Variants in TBC1D19 observed in about 807,000 individuals in gnomAD.
TBC1D19 encodes TBC1 domain family member 19, also known as TBC1 domain family, member 19.
A neutral mutation model predicts 89.0 loss-of-function variants in TBC1D19; 60 were observed. The observed-to-expected ratio is 0.67, with a 90% CI of 0.55 to 0.84. The LOEUF (loss-of-function observed/expected upper bound fraction) is 0.84, where lower values mean the gene tolerates loss of function less well. TBC1D19 is among the 40% of genes least tolerant of loss of function. TBC1D19 has a pLI of 0.00. For synonymous variants in TBC1D19, 189 were observed against 199.7 expected (o/e 0.95, Z 0.45); for missense variants, 500 against 610.8 (o/e 0.82, Z 1.91).
intron 12 of TBC1D19, among the ~76,000 whole-genome samples, chr4:26,685,869 T>TA (rs1225497301): frequency 6.6e-6 from 1 of 151,982 alleles, no homozygotes; most frequent in Admixed American, 6.6e-5. Context: ...GTGAAAAAGC[T>TA]AAAAAAAAGT....
At chr4:26,787,335 C>T in the TBC1D19 span, among the ~76,000 whole-genome samples, 1 of 152,016 alleles carries the variant, frequency 6.6e-6, no homozygotes, top group Non-Finnish European at 1.5e-5. Flanking sequence ...CTCCTGAGCT[C>T]GGGCAATCCA....
chr4:26,748,255 A>T (rs980000799), intron 18 of TBC1D19, among the ~76,000 whole-genome samples, 156 bp from the exon 19 acceptor site: 1 of 152,216 alleles, frequency 6.6e-6, no homozygotes, highest in South Asian at 2.1e-4. Context: ...GTTTCTCACC[A>T]CTGCACTCTT....
intron 13 of TBC1D19, among the ~76,000 whole-genome samples, chr4:26,707,178 T>A (rs1342136058): frequency 6.6e-6 from 1 of 152,060 alleles, no homozygotes; most frequent in Non-Finnish European, 1.5e-5. Context: ...TATATCTCCT[T>A]TCATTTTTTG....
At chr4:26,634,919 C>T (rs1342841093) in intron 4 of TBC1D19, among the ~76,000 whole-genome samples, 7 of 152,050 alleles carry the variant, frequency 4.6e-5, no homozygotes, top group Admixed American at 2.0e-4. Context: ...ATGTTGTTCA[C>T]GTGCCAACTC....
chr4:26,638,839 G>A lies in TBC1D19; in HGVS notation c.433+5G>A. On this transcript the variant is annotated splice_donor_5th_base_variant and intron_variant, in intron 6 of 20. Transcript: ENST00000264866. ...AAATGGGAACTGATGAACCAGGTAT[G>A]TGAACAATTTTTTCTGAATGTAGTA... 2 of 1,603,436 alleles carry A rather than the reference G, an allele frequency of 1.2e-6. No homozygotes were observed. The highest frequency in any genetic ancestry group is 1.7e-6 in the Non-Finnish European group (2 of 1,175,870).
intron 15 of TBC1D19, among the ~76,000 whole-genome samples, chr4:26,721,297 A>G (rs1343571987): frequency 2.0e-5 from 3 of 152,020 alleles, no homozygotes; most frequent in African/African-American, 7.2e-5. Flanking sequence ...TAAAAAACAA[A>G]AAACAAAAAC....
Position 26,653,849 on chromosome 4 carries a change from A to C in TBC1D19, c.481-5748A>C, listed in dbSNP as rs188461251. On this transcript the variant is annotated intron_variant, in intron 7 of 20. Coordinates refer to ENST00000264866, the MANE Select transcript of TBC1D19 (RefSeq NM_018317.4). The stretch of plus-strand genomic sequence containing the variant: ...TCCAATGTGCCAGTCTGTGTCTTTT[A>C]ATTGGGGAATTTAGCCCATTGACAT... Among the ~76,000 whole-genome samples the C allele has an allele frequency of 3.9e-5, 6 of 152,224 alleles. No homozygotes were observed. The East Asian group carries it at 1.2e-3, about 29-fold the overall frequency.
intron 13 of TBC1D19, among the ~76,000 whole-genome samples, chr4:26,700,881 G>A (rs1311264805): frequency 6.6e-6 from 1 of 152,122 alleles, no homozygotes; most frequent in Non-Finnish European, 1.5e-5. Flanking sequence ...CTACAGTAAA[G>A]TCAGAGTGGT....
chr4:26,729,323 C>G (rs1050028260), intron 15 of TBC1D19, among the ~76,000 whole-genome samples: 2 of 152,208 alleles, frequency 1.3e-5, no homozygotes, highest in Non-Finnish European at 2.9e-5. Context: ...TTACTCATCT[C>G]TTCATTCTGC....
At chr4:26,778,476 GAAGGAAAGGAAA>G in the TBC1D19 span, among the ~76,000 whole-genome samples, 6 of 151,784 alleles carry the variant, frequency 4.0e-5, no homozygotes, top group East Asian at 7.8e-4. Flanking sequence ...GGGAAGGGAA[GAAGGAAAGGAAA>G]AAGGAAAGGA....
chr4:26,642,764 G>T (rs967529341), intron 7 of TBC1D19, among the ~76,000 whole-genome samples: 1 of 152,016 alleles, frequency 6.6e-6, no homozygotes, highest in African/African-American at 2.4e-5. Context: ...AGCACAAAAA[G>T]AGCAGGAGTT....
At chr4:26,637,777 A>G (rs1201762909) in intron 5 of TBC1D19, among the ~76,000 whole-genome samples, 2 of 152,224 alleles carry the variant, frequency 1.3e-5, no homozygotes, top group African/African-American at 2.4e-5. Flanking sequence ...GTGTGCTATA[A>G]TAATTATTAT....
chr4:26,800,421 T>A, the TBC1D19 span, among the ~76,000 whole-genome samples: 2 of 152,248 alleles, frequency 1.3e-5, no homozygotes, highest in Non-Finnish European at 2.9e-5. Context: ...GACATTTGGG[T>A]TGGCTCCAAG....
chr4:26,777,154 T>TA, the TBC1D19 span, among the ~76,000 whole-genome samples: 39 of 109,944 alleles, frequency 3.5e-4, no homozygotes, highest in African/African-American at 1.1e-3. Context: ...TTTTTTTTTT[T>TA]ACGGAGTTTC....
At chr4:26,602,435 C>CT (rs34004440) in intron 1 of TBC1D19, among the ~76,000 whole-genome samples, 2,106 of 72,652 alleles carry the variant, frequency 0.029, 123 homozygotes, top group African/African-American at 0.082. Context: ...CTATTGTATT[C>CT]TTTTTTTTTT....
the TBC1D19 span, among the ~76,000 whole-genome samples, chr4:26,843,649 T>G: frequency 6.6e-6 from 1 of 151,964 alleles, no homozygotes; most frequent in East Asian, 1.9e-4. Context: ...CTTGGTAAAG[T>G]CAAGACAGAT....
intron 13 of TBC1D19, among the ~76,000 whole-genome samples, chr4:26,700,176 G>C (rs955430981): frequency 1.3e-5 from 2 of 151,416 alleles, no homozygotes; most frequent in East Asian, 3.9e-4. Flanking sequence ...GAGAGAGAAA[G>C]GAGCAGAAGT....
At position 26,635,641 on chromosome 4, in the gene TBC1D19, A is replaced by T. The variant is rs78126887; in HGVS notation, c.295-1570A>T. On this transcript the variant is annotated intron_variant, in intron 4 of 20. Transcript: ENST00000264866. ...TTGGGCCATTGCATTAAAATTTTTT[A>T]AAATACTTGCAACATTACTTAGAGT... Among the ~76,000 whole-genome samples the T allele has an allele frequency of 3.7e-4, 57 of 152,264 alleles. No homozygotes were observed. In the East Asian group the frequency reaches 0.01, roughly 27 times the overall value.
At chr4:26,625,611 T>C (rs1426553544) in intron 4 of TBC1D19, among the ~76,000 whole-genome samples, 1 of 152,162 alleles carries the variant, frequency 6.6e-6, no homozygotes, top group Non-Finnish European at 1.5e-5. Context: ...TTACATTTGG[T>C]TGTCATGTCT....
Sources: allele counts gnomAD v4.1 joint callset (sites outside exome capture counted in the v4.1 genomes callset), GRCh38; gene constraint gnomAD v4.1.1; transcripts MANE v1.5; gene names NCBI Gene and HGNC (gene_info 2026-07-23, HGNC 2026-07-21).